Variants in SLC44A1 observed in about 807,000 individuals in gnomAD.
SLC44A1 encodes the protein choline transporter-like protein 1.
A neutral mutation model predicts 79.3 loss-of-function variants in SLC44A1; 26 were observed. That is an observed-to-expected ratio of 0.33 (90% confidence interval 0.24 to 0.46). The LOEUF is 0.46. Ranked by LOEUF, SLC44A1 falls within the 20% of genes least tolerant of loss-of-function variation. The probability of loss-of-function intolerance (pLI) is 1.00; values close to 1 mark genes in which losing one functional copy is unlikely to be tolerated. For missense variants in SLC44A1, 688 were observed against 798.1 expected (o/e 0.86, Z 1.66); for synonymous variants, 263 against 286.2 (o/e 0.92, Z 0.82).
chr9:105,391,818 T>C lies in SLC44A1; in HGVS notation c.*2762T>C, dbSNP rs1828768228. On this transcript the variant is annotated 3_prime_UTR_variant, in exon 16 of 16. Coordinates refer to ENST00000374720, the MANE Select transcript of SLC44A1 (RefSeq NM_080546.5). ...GATACCCGAATAATTTCATAAATCA[T>C]TGATTCTATGTGGTGGTTTTTGTCT... The C allele has an allele frequency of 4.1e-6, 4 of 985,246 alleles. No individual in the cohort carries two copies. The highest frequency in any genetic ancestry group is 4.8e-6 in the Non-Finnish European group (4 of 829,774). 61.0% of individuals were successfully genotyped at this position (985,246 alleles called of 1,614,324 possible).
intron 1 of SLC44A1, among the ~76,000 whole-genome samples, chr9:105,261,794 T>C (rs1454518918): frequency 1.3e-5 from 2 of 149,242 alleles, no homozygotes; most frequent in Non-Finnish European, 3.0e-5. Context: ...TTTTTTTTTT[T>C]TTTGAGAGGG....
intron 2 of SLC44A1, chr9:105,299,785 T>C (rs1485911455): frequency 4.1e-6 from 4 of 985,830 alleles, no homozygotes; most frequent in Non-Finnish European, 4.8e-6. Flanking sequence ...GTGGCATCTT[T>C]CGATTGGAGA....
At chr9:105,375,292 C>G (rs1828244129) in intron 13 of SLC44A1, among the ~76,000 whole-genome samples, 1 of 152,100 alleles carries the variant, frequency 6.6e-6, no homozygotes, top group African/African-American at 2.4e-5. Context: ...CAACCGCCTT[C>G]GCCTCCCAAA....
chr9:105,356,619 C>T (rs1040543357), intron 6 of SLC44A1, among the ~76,000 whole-genome samples: 3 of 152,028 alleles, frequency 2.0e-5, no homozygotes, highest in Non-Finnish European at 4.4e-5. Flanking sequence ...TTTTCCCAAA[C>T]GTTGTTTACT....
chr9:105,273,222 C>T (rs529112076), intron 1 of SLC44A1, among the ~76,000 whole-genome samples: 5 of 152,124 alleles, frequency 3.3e-5, no homozygotes, highest in Non-Finnish European at 4.4e-5. Context: ...GAACTCCCGA[C>T]CTCGGGTGAT....
At chr9:105,308,008 A>G (rs1831077988) in intron 2 of SLC44A1, among the ~76,000 whole-genome samples, 2 of 152,246 alleles carry the variant, frequency 1.3e-5, no homozygotes, top group South Asian at 2.1e-4. Flanking sequence ...GGAGACTAAC[A>G]TGTATTGAGA....
chr9:105,376,905 A>G (rs886132958), intron 13 of SLC44A1, among the ~76,000 whole-genome samples: 2 of 152,160 alleles, frequency 1.3e-5, no homozygotes, highest in Admixed American at 6.5e-5. Context: ...AAATTGGCCA[A>G]ATTTAGAGAA....
chr9:105,302,278 A>G (rs1056800513), intron 2 of SLC44A1, among the ~76,000 whole-genome samples: 5 of 152,176 alleles, frequency 3.3e-5, no homozygotes, highest in East Asian at 1.9e-4. Context: ...ATAAATTTGT[A>G]TATTTCATTA....
intron 15 of SLC44A1, chr9:105,385,900 C>A: frequency 1.0e-6 from 1 of 984,858 alleles, no homozygotes; most frequent in Non-Finnish European, 1.2e-6. Context: ...GTGATCATAG[C>A]AATTCCTTTC....
chr9:105,358,994 C>T (rs577981555), intron 7 of SLC44A1, among the ~76,000 whole-genome samples: 4 of 152,270 alleles, frequency 2.6e-5, no homozygotes, highest in African/African-American at 9.6e-5. Flanking sequence ...AACTTTCCTT[C>T]CTTTCATCCC....
chr9:105,310,439 G>A (rs1179411860), intron 3 of SLC44A1, among the ~76,000 whole-genome samples: 1 of 151,910 alleles, frequency 6.6e-6, no homozygotes, highest in Non-Finnish European at 1.5e-5. Context: ...CTATCATTTT[G>A]TTTTTAATAC....
chr9:105,396,745 T>C lies in SLC44A1; in HGVS notation c.*7689T>C, dbSNP rs1828884572. 2 of 984,314 alleles carry C rather than the reference T, an allele frequency of 2.0e-6. No individual in the cohort carries two copies. Among genetic ancestry groups the C allele is most frequent in the African/African-American group, 3.5e-5 (2 of 57,182 alleles). The allele number at this position is 984,314 out of a possible 1,614,324, so 61.0% of individuals were successfully genotyped here. A position where few individuals can be genotyped will look rare whatever the true frequency, so the allele number is the denominator to read the frequency against. ...TCTTTTTTTTTTTTTGCCATTTGCA[T>C]CCTATTTCATAGTGCCAAAATGAAT... On this transcript the variant is annotated 3_prime_UTR_variant, in exon 16 of 16. Transcript: ENST00000374720.
chr9:105,352,355 A>G (rs943036425), intron 5 of SLC44A1, among the ~76,000 whole-genome samples: 2 of 152,174 alleles, frequency 1.3e-5, no homozygotes, highest in African/African-American at 4.8e-5. Context: ...CAAATGGGCA[A>G]GTGGTATTAG....
At chr9:105,301,655 C>T (rs960570056) in intron 2 of SLC44A1, among the ~76,000 whole-genome samples, 3 of 152,010 alleles carry the variant, frequency 2.0e-5, no homozygotes, top group East Asian at 3.9e-4. Flanking sequence ...CACTTTAGTA[C>T]GTGTATATAT....
At chr9:105,414,992 A>T (rs939408005) in intron 15 of SLC44A1, among the ~76,000 whole-genome samples, 5 of 152,036 alleles carry the variant, frequency 3.3e-5, no homozygotes, top group African/African-American at 1.2e-4. Context: ...CTTTGGTGGG[A>T]TACTCACCCA....
At chr9:105,262,308 A>T (rs1829860719) in intron 1 of SLC44A1, among the ~76,000 whole-genome samples, 1 of 152,198 alleles carries the variant, frequency 6.6e-6, no homozygotes, top group Non-Finnish European at 1.5e-5. Context: ...TGTAGGCATG[A>T]CAGCATTTTA....
intron 4 of SLC44A1, among the ~76,000 whole-genome samples, chr9:105,340,804 T>C (rs1827064364): frequency 6.6e-6 from 1 of 152,180 alleles, no homozygotes; most frequent in Non-Finnish European, 1.5e-5. Flanking sequence ...AGCTCTCAGT[T>C]CCTATGGTGG....
chr9:105,292,592 A>T (rs998589882), intron 1 of SLC44A1, among the ~76,000 whole-genome samples: 4 of 152,210 alleles, frequency 2.6e-5, no homozygotes, highest in African/African-American at 9.6e-5. Context: ...CACAAAACAC[A>T]TTCTATTTTA....
intron 3 of SLC44A1, among the ~76,000 whole-genome samples, chr9:105,333,385 T>C (rs977977555): frequency 2.0e-5 from 3 of 151,672 alleles, no homozygotes; most frequent in Non-Finnish European, 2.9e-5. Context: ...TCCCACCCCA[T>C]AGAGAAACAC....
Sources: gnomAD v4.1 joint callset for allele counts (sites outside exome capture counted in the v4.1 genomes callset) on GRCh38, gnomAD v4.1.1 for gene constraint, MANE v1.5 for transcripts, NCBI Gene and HGNC (gene_info 2026-07-23, HGNC 2026-07-21) for gene names.